The following ECEL1 variants were observed in gnomAD, a reference collection of about 807,000 sequenced individuals.
The protein encoded by ECEL1 is endothelin converting enzyme like 1, also known as endothelin-converting enzyme-like 1.
ECEL1 carries 87 observed loss-of-function variants against 101.8 expected under a neutral mutation model. The observed-to-expected ratio is 0.85, with a 90% CI of 0.72 to 1.02. ECEL1 has a LOEUF of 1.02. Ranked by LOEUF, ECEL1 falls within the 50% of genes least tolerant of loss-of-function variation. The probability of loss-of-function intolerance (pLI) is 0.00; values close to 1 mark genes in which losing one functional copy is unlikely to be tolerated. For synonymous variants in ECEL1, 487 were observed against 468.7 expected, an observed-to-expected ratio of 1.04 and a Z score of -0.50; for missense variants, 1,032 against 1,079.2, an observed-to-expected ratio of 0.96 and a Z score of 0.61.
intron 1 of ECEL1, 91 bp from the exon 2 acceptor site, chr2:232,486,845 G>T (rs1221295897): frequency 5.8e-6 from 3 of 519,286 alleles, no homozygotes; most frequent in Non-Finnish European, 8.9e-6. Flanking sequence ...TGGGTGCAGA[G>T]GCCCCAGCCG....
At chr2:232,481,466 A>C in intron 14 of ECEL1, 40 bp downstream of exon 14, 1 of 1,578,372 alleles carries the variant, frequency 6.3e-7, no homozygotes, top group Non-Finnish European at 8.6e-7. Context: ...CCCGTGCCCC[A>C]CCAGGCCTGA....
intron 12 of ECEL1, among the ~76,000 whole-genome samples, chr2:232,482,209 G>A (rs1016125169): frequency 6.6e-6 from 1 of 152,134 alleles, no homozygotes; most frequent in African/African-American, 2.4e-5. Context: ...AAGTAAAGAA[G>A]ACCCCAGGAA....
At chr2:232,481,949 G>A (rs2106183126) in intron 12 of ECEL1, 100 bp from the exon 13 acceptor site, 2 of 1,526,674 alleles carry the variant, frequency 1.3e-6, no homozygotes, top group Non-Finnish European at 1.8e-6. Flanking sequence ...GCCAGGAGGT[G>A]GCACAGGGAG....
chr2:232,481,248 C>T, intron 14 of ECEL1, 92 bp from the exon 15 acceptor site: 1 of 1,451,674 alleles, frequency 6.9e-7, no homozygotes, highest in East Asian at 2.5e-5. Flanking sequence ...CTAATTCCTA[C>T]CACCCCTCTC....
Position 232,481,643 on chromosome 2 carries a change from C to T in ECEL1, c.1865-13G>A, listed in dbSNP as rs777417335. 1.2e-6 allele frequency: 2 copies of T among 1,613,040 alleles called. No individual in the cohort carries two copies. Among genetic ancestry groups the T allele is most frequent in the Non-Finnish European group, 1.7e-6 (2 of 1,179,658 alleles). On this transcript the variant is annotated splice_polypyrimidine_tract_variant and intron_variant, in intron 13 of 17. Transcript: ENST00000304546. ...TCATACTGGCCCCCTGTGGGCAGTG[C>T]AGCAGGCTGAGACCCACCCTCACCT...
At position 232,485,050 on chromosome 2, in the gene ECEL1, G is replaced by A; in HGVS notation, c.897C>T (p.Ser299=). 6 of 1,612,470 alleles carry A rather than the reference G, an allele frequency of 3.7e-6. No individual in the cohort carries two copies. The highest frequency in any genetic ancestry group is 5.1e-6 in the Non-Finnish European group (6 of 1,180,008). Residue 299 remains serine, a synonymous_variant, in exon 4 of 18, where the codon AGC becomes AGT. Coordinates refer to ENST00000304546, the MANE Select transcript of ECEL1 (RefSeq NM_004826.4). ...AYRVFMERVL[S]LLGADAVEQK... Reference sequence around the variant, plus strand: ...GTTCCACAGCGTCTGCACCCAGGAGGCTGAGCACTCGCTCCATGAACACCC... The same window carrying A: ...GTTCCACAGCGTCTGCACCCAGGAGACTGAGCACTCGCTCCATGAACACCC...
At chr2:232,485,598 C>T (rs1690699658) in intron 2 of ECEL1, among the ~76,000 whole-genome samples, 1 of 152,236 alleles carries the variant, frequency 6.6e-6, no homozygotes, top group Non-Finnish European at 1.5e-5. Flanking sequence ...CCCGCCGGCG[C>T]GCCTCTCCCT....
At chr2:232,482,339 C>T (rs1042915705) in intron 12 of ECEL1, 79 bp downstream of exon 12, 118 of 1,597,840 alleles carry the variant, frequency 7.4e-5, no homozygotes, top group Non-Finnish European at 5.9e-5. Flanking sequence ...AGCCACAGTA[C>T]GCCGACACAC....
chr2:232,484,931 A>G (rs1346123844), intron 4 of ECEL1, 38 bp from the exon 5 acceptor site: 7 of 1,612,980 alleles, frequency 4.3e-6, no homozygotes, highest in Non-Finnish European at 5.9e-6. Flanking sequence ...GCCCTGCTCC[A>G]TGATGCCCTC....
At position 232,481,850 on chromosome 2, in the gene ECEL1, C is replaced by T; in HGVS notation, c.1797-1G>A. 1.2e-6 allele frequency: 2 copies of T among 1,613,934 alleles called. No homozygotes were observed. The highest frequency in any genetic ancestry group is 1.7e-6 in the Non-Finnish European group (2 of 1,180,000). ...GCCGATGCCCCCGTAGTTGAGAGACCTGGGCCCACAGCAGCAGCATCAGGC... is the reference window on the plus strand; with the variant it reads ...GCCGATGCCCCCGTAGTTGAGAGACTTGGGCCCACAGCAGCAGCATCAGGC... On this transcript the variant is annotated splice_acceptor_variant, in intron 12 of 17. Transcript: ENST00000304546. LOFTEE classifies it high-confidence loss of function.
In ECEL1 at chr2:232,483,079, G is replaced by A. The variant is rs1377595963; in HGVS notation, c.1581+26C>T. 3 of 1,610,594 alleles carry A rather than the reference G, an allele frequency of 1.9e-6. No individual in the cohort carries two copies. In the African/African-American group the frequency reaches 4.0e-5, roughly 22 times the overall value. On this transcript the variant is annotated intron_variant, in intron 9 of 17. Transcript: ENST00000304546. ...CCGTTAGTAGAGGGGCTGTGGACAG[G>A]CTGGGCAGGCAGGGTCAGGGCCCAC...
chr2:232,481,915 A>C, intron 12 of ECEL1, 66 bp from the exon 13 acceptor site: 1 of 1,601,188 alleles, frequency 6.2e-7, no homozygotes, highest in Non-Finnish European at 8.5e-7. Context: ...GCTGCTGCCC[A>C]GGCCCCAGAT....
Position 232,485,354 on chromosome 2 carries a change from G to A in ECEL1, c.787-87C>T, listed in dbSNP as rs968221629. The A allele has an allele frequency of 7.6e-6, 11 of 1,454,950 alleles. No individual in the cohort carries two copies. In the African/African-American group the frequency reaches 1.5e-4, roughly 20 times the overall value. The allele number at this position is 1,454,950 out of a possible 1,614,324, so 90.1% of individuals were successfully genotyped here. ...GAATTCCCACTCCAATGCCCAGAGA[G>A]CAACCAGACATCCATGAGTACAGCC... On this transcript the variant is annotated intron_variant, in intron 2 of 17. Transcript: ENST00000304546.
At chr2:232,485,761 C>G (rs1690703466) in intron 2 of ECEL1, 107 bp downstream of exon 2, 2 of 1,396,036 alleles carry the variant, frequency 1.4e-6, no homozygotes, top group South Asian at 2.7e-5. Context: ...TCGTCTCTTC[C>G]CTCCTCTCCT....
At chr2:232,482,740 C>A in intron 10 of ECEL1, 111 bp downstream of exon 10, 2 of 1,501,784 alleles carry the variant, frequency 1.3e-6, no homozygotes, top group Non-Finnish European at 9.2e-7. Flanking sequence ...ATGCCCTGTG[C>A]TGGCGTGTGT....
intron 15 of ECEL1, 136 bp from the exon 16 acceptor site, chr2:232,480,949 G>C: frequency 7.4e-7 from 1 of 1,345,426 alleles, no homozygotes; most frequent in Middle Eastern, 1.8e-4. Context: ...CCAGTGGACC[G>C]TGGCCCCAGC....
intron 1 of ECEL1, among the ~76,000 whole-genome samples, 187 bp downstream of exon 1, chr2:232,487,532 G>GC (rs1372693362): frequency 6.6e-6 from 1 of 152,020 alleles, no homozygotes; most frequent in African/African-American, 2.4e-5. Context: ...CGACCCCCGA[G>GC]CCCCGGCGCC....
chr2:232,480,329 C>T (rs1189466557), intron 17 of ECEL1, 70 bp downstream of exon 17: 1 of 1,612,318 alleles, frequency 6.2e-7, no homozygotes, highest in Non-Finnish European at 8.5e-7. Context: ...GACTTTTATT[C>T]CTTCCCATGC....
In ECEL1 at chr2:232,483,519, A is replaced by AGGGACAG. The variant is rs776651774; in HGVS notation, c.1408-6_1408-5insCTGTCCC. The AGGGACAG allele has an allele frequency of 6.2e-7, 1 of 1,604,716 alleles. No homozygotes were observed. ...GTCTTCCACTAGCTGCTGCACCTGC[A>AGGGACAG]GGGTCAGGGGTCAGGGAGCAAGGGT... On this transcript the variant is annotated splice_polypyrimidine_tract_variant and splice_region_variant and intron_variant, in intron 7 of 17. Transcript: ENST00000304546.
Sources: gnomAD v4.1 joint callset for allele counts (sites outside exome capture counted in the v4.1 genomes callset) on GRCh38, gnomAD v4.1.1 for gene constraint, MANE v1.5 for transcripts, NCBI Gene and HGNC (gene_info 2026-07-23, HGNC 2026-07-21) for gene names.